CDK14: variants seen among roughly 807,000 people sequenced by gnomAD.
CDK14 encodes the protein cyclin-dependent kinase 14.
CDK14 carries 34 observed loss-of-function variants against 60.7 expected under a neutral mutation model. The observed-to-expected ratio is 0.56, with a 90% CI of 0.43 to 0.75. The LOEUF is 0.75. CDK14 is among the 30% of genes least tolerant of loss of function. CDK14 has a pLI of 0.00. For synonymous variants in CDK14, 197 were observed against 203.7 expected, an observed-to-expected ratio of 0.97 and a Z score of 0.28; for missense variants, 482 against 564.1, an observed-to-expected ratio of 0.85 and a Z score of 1.47.
chr7:90,836,008 T>C (rs1790082873), intron 5 of CDK14, among the ~76,000 whole-genome samples: 1 of 152,178 alleles, frequency 6.6e-6, no homozygotes, highest in African/African-American at 2.4e-5. Context: ...ATAAAAATGG[T>C]ACACCTATAT....
intron 7 of CDK14, among the ~76,000 whole-genome samples, chr7:90,906,431 A>T (rs1312938050): frequency 2.0e-5 from 3 of 152,148 alleles, no homozygotes; most frequent in African/African-American, 7.2e-5. Context: ...CACTTCACAG[A>T]TTATTAAATG....
In CDK14 at chr7:90,692,968, C is replaced by A. The variant is rs114491388; in HGVS notation, c.124-33599C>A. Among the ~76,000 whole-genome samples the A allele has an allele frequency of 1.2e-3, 189 of 151,788 alleles. 1 individual carries two copies. Among genetic ancestry groups the A allele is most frequent in the African/African-American group, 4.4e-3 (181 of 41,430 alleles). ...AAAAAAAATTCTCCCTGGAGTAAAG[C>A]TTTTTGCCAGTAGGGTTCTGTAGCT... On this transcript the variant is annotated intron_variant, in intron 2 of 14. Transcript: ENST00000380050.
At chr7:90,653,070 A>G (rs1800677876) in intron 2 of CDK14, among the ~76,000 whole-genome samples, 1 of 152,164 alleles carries the variant, frequency 6.6e-6, no homozygotes, top group African/African-American at 2.4e-5. Context: ...ACCAATGTGA[A>G]GAACTCAGGA....
chr7:91,001,785 A>G (rs1795842753), intron 10 of CDK14, among the ~76,000 whole-genome samples: 1 of 152,228 alleles, frequency 6.6e-6, no homozygotes, highest in Admixed American at 6.5e-5. Context: ...CCATTAAAAT[A>G]ACCGACACAT....
chr7:91,050,083 C>T (rs1797346996), intron 11 of CDK14, among the ~76,000 whole-genome samples: 1 of 152,180 alleles, frequency 6.6e-6, no homozygotes, highest in African/African-American at 2.4e-5. Flanking sequence ...AGTACCAATG[C>T]CCTGAATGGG....
intron 9 of CDK14, among the ~76,000 whole-genome samples, chr7:90,972,485 T>A (rs1392718741): frequency 6.6e-6 from 1 of 152,234 alleles, no homozygotes; most frequent in Non-Finnish European, 1.5e-5. Flanking sequence ...GGAAGAAAAC[T>A]CTTTGTTCTA....
intron 14 of CDK14, among the ~76,000 whole-genome samples, chr7:91,202,059 C>G (rs1279218132): frequency 6.6e-6 from 1 of 152,114 alleles, no homozygotes; most frequent in Non-Finnish European, 1.5e-5. Flanking sequence ...ACCAGGCAGA[C>G]TCTCTCCCAC....
intron 2 of CDK14, among the ~76,000 whole-genome samples, chr7:90,619,516 C>G (rs1799723775): frequency 1.3e-5 from 2 of 152,114 alleles, no homozygotes; most frequent in African/African-American, 4.8e-5. Context: ...TATTTTTTCA[C>G]TATTAAAAAT....
At chr7:91,168,629 C>A (rs1169450715) in intron 14 of CDK14, among the ~76,000 whole-genome samples, 1 of 152,130 alleles carries the variant, frequency 6.6e-6, no homozygotes, top group African/African-American at 2.4e-5. Flanking sequence ...CAGATGTTTT[C>A]TATTTTACAT....
chr7:91,134,876 C>CA (rs200701707), intron 14 of CDK14, among the ~76,000 whole-genome samples: 4,327 of 149,232 alleles, frequency 0.029, 205 homozygotes, highest in African/African-American at 0.097. Flanking sequence ...GACCCTGTCT[C>CA]AAAAAAAAAT....
At chr7:90,615,138 T>A (rs976981641) in intron 2 of CDK14, among the ~76,000 whole-genome samples, 1 of 152,092 alleles carries the variant, frequency 6.6e-6, no homozygotes, top group African/African-American at 2.4e-5. Flanking sequence ...TGAAAAAAAA[T>A]TTTAAGGTTT....
chr7:91,059,767 A>G (rs1797717606), intron 11 of CDK14, among the ~76,000 whole-genome samples: 2 of 152,176 alleles, frequency 1.3e-5, no homozygotes. Flanking sequence ...GTGGTCTGAG[A>G]GACAGTTTGT....
At chr7:90,849,855 T>C (rs756984975) in intron 5 of CDK14, among the ~76,000 whole-genome samples, 4 of 152,070 alleles carry the variant, frequency 2.6e-5, no homozygotes, top group Non-Finnish European at 5.9e-5. Flanking sequence ...CCTTTTCTTA[T>C]TGATACTGTC....
At chr7:90,628,556 C>T (rs977568164) in intron 2 of CDK14, among the ~76,000 whole-genome samples, 1 of 152,026 alleles carries the variant, frequency 6.6e-6, no homozygotes, top group Admixed American at 6.6e-5. Flanking sequence ...CATAGTGGCT[C>T]ATGCCTGTAA....
chr7:90,816,946 C>T (rs1424574079), intron 5 of CDK14, among the ~76,000 whole-genome samples: 1 of 152,106 alleles, frequency 6.6e-6, no homozygotes, highest in African/African-American at 2.4e-5. Flanking sequence ...GAGTGAAAGT[C>T]GTATGAGTCA....
At chr7:90,896,341 A>G (rs1354547324) in intron 6 of CDK14, among the ~76,000 whole-genome samples, 3 of 151,856 alleles carry the variant, frequency 2.0e-5, no homozygotes, top group African/African-American at 7.3e-5. Flanking sequence ...TCTCTCTTCA[A>G]CTGATTTTCT....
chr7:91,078,419 C>T (rs1322252478), intron 11 of CDK14, among the ~76,000 whole-genome samples: 1 of 152,156 alleles, frequency 6.6e-6, no homozygotes, highest in Non-Finnish European at 1.5e-5. Context: ...CCAGCCTGGC[C>T]AGCATGATGA....
intron 2 of CDK14, among the ~76,000 whole-genome samples, chr7:90,655,772 G>C (rs1022906206): frequency 6.6e-6 from 1 of 152,100 alleles, no homozygotes; most frequent in Admixed American, 6.6e-5. Context: ...AAGACTTCCT[G>C]TGGCCACCAA....
At chr7:90,824,191 G>A (rs1046679653) in intron 5 of CDK14, among the ~76,000 whole-genome samples, 1 of 152,136 alleles carries the variant, frequency 6.6e-6, no homozygotes, top group African/African-American at 2.4e-5. Context: ...TGGTCTTCGA[G>A]CTGGGCACTT....
Sources: gnomAD v4.1 joint callset for allele counts (sites outside exome capture counted in the v4.1 genomes callset) on GRCh38, gnomAD v4.1.1 for gene constraint, MANE v1.5 for transcripts, NCBI Gene and HGNC (gene_info 2026-07-23, HGNC 2026-07-21) for gene names.